The following ERC2 variants were observed in gnomAD, a reference collection of about 807,000 sequenced individuals.
The protein encoded by ERC2 is ERC protein 2.
ERC2 carries 42 observed loss-of-function variants against 114.8 expected under a neutral mutation model. That is an observed-to-expected ratio of 0.37 (90% confidence interval 0.29 to 0.47). The LOEUF (loss-of-function observed/expected upper bound fraction) is 0.47. ERC2 is among the 20% of genes least tolerant of loss of function. The pLI is 0.99. For missense variants in ERC2, 939 were observed against 1,150.7 expected, an observed-to-expected ratio of 0.82 and a Z score of 2.66; for synonymous variants, 454 against 425.5, an observed-to-expected ratio of 1.07 and a Z score of -0.82.
At chr3:55,852,899 C>T (rs1264956416) in intron 14 of ERC2, among the ~76,000 whole-genome samples, 1 of 152,194 alleles carries the variant, frequency 6.6e-6, no homozygotes, top group East Asian at 1.9e-4. Context: ...GGCACCTTGA[C>T]ATTTGGATGG....
intron 14 of ERC2, among the ~76,000 whole-genome samples, chr3:55,742,147 G>C (rs2066001888): frequency 6.6e-6 from 1 of 151,788 alleles, no homozygotes; most frequent in South Asian, 2.1e-4. Context: ...AGGGCTGAAG[G>C]GCATCTCCTG....
chr3:55,533,986 A>C (rs767302628), intron 17 of ERC2, among the ~76,000 whole-genome samples: 47 of 152,178 alleles, frequency 3.1e-4, no homozygotes, highest in Admixed American at 5.9e-4. Flanking sequence ...GTCAGGATGG[A>C]ATCCCAGCTT....
chr3:56,436,031 T>C (rs1576954910), intron 1 of ERC2, among the ~76,000 whole-genome samples: 1 of 152,264 alleles, frequency 6.6e-6, no homozygotes, highest in Admixed American at 6.5e-5. Flanking sequence ...GAAGATTTTA[T>C]GTAGCTGGGG....
intron 2 of ERC2, among the ~76,000 whole-genome samples, chr3:56,328,784 C>T (rs2057478347): frequency 6.6e-6 from 1 of 152,184 alleles, no homozygotes; most frequent in Non-Finnish European, 1.5e-5. Flanking sequence ...CCAGATTGGA[C>T]CTCAGCAAGT....
At chr3:55,665,552 G>T (rs2061327663) in intron 17 of ERC2, among the ~76,000 whole-genome samples, 1 of 152,154 alleles carries the variant, frequency 6.6e-6, no homozygotes, top group Admixed American at 6.5e-5. Flanking sequence ...GGGAGAAAAT[G>T]AAGACAGAGA....
intron 15 of ERC2, among the ~76,000 whole-genome samples, chr3:55,720,031 C>T (rs1433584361): frequency 8.8e-5 from 5 of 57,094 alleles, no homozygotes; most frequent in Non-Finnish European, 1.3e-4. Flanking sequence ...CTTCCCTTGC[C>T]TCCCCACCTC....
At chr3:56,264,779 A>G (rs373669137) in intron 3 of ERC2, among the ~76,000 whole-genome samples, 113 of 151,776 alleles carry the variant, frequency 7.4e-4, no homozygotes, top group Middle Eastern at 3.4e-3. Context: ...AAAAAAATCA[A>G]CATACAAAAA....
chr3:56,377,178 T>A (rs2059578052), intron 2 of ERC2, among the ~76,000 whole-genome samples: 3 of 152,182 alleles, frequency 2.0e-5, no homozygotes, highest in African/African-American at 7.2e-5. Flanking sequence ...TATATACTTG[T>A]CAAGTGAGTA....
At chr3:56,322,446 G>A (rs1427775270) in intron 2 of ERC2, among the ~76,000 whole-genome samples, 1 of 152,134 alleles carries the variant, frequency 6.6e-6, no homozygotes, top group Non-Finnish European at 1.5e-5. Flanking sequence ...GAACTCAGAG[G>A]TGAGGTTTAT....
intron 14 of ERC2, among the ~76,000 whole-genome samples, chr3:55,809,949 G>A (rs2059651444): frequency 6.6e-6 from 1 of 152,184 alleles, no homozygotes; most frequent in South Asian, 2.1e-4. Context: ...CAAAGGGGCA[G>A]GGAAGGCTTA....
chr3:56,258,318 C>A (rs2052659403), intron 3 of ERC2, among the ~76,000 whole-genome samples: 2 of 152,150 alleles, frequency 1.3e-5, no homozygotes, highest in Admixed American at 1.3e-4. Context: ...AGCCTGAATG[C>A]AGCCAGAGAC....
chr3:56,417,172 C>T (rs892146550), intron 2 of ERC2, among the ~76,000 whole-genome samples: 1 of 152,168 alleles, frequency 6.6e-6, no homozygotes, highest in African/African-American at 2.4e-5. Flanking sequence ...ATATAGCTTG[C>T]TAGATCTGGA....
rs1390539850 is a variant in ERC2 at position 55,952,179 on chromosome 3, A to ACACACT, written c.2268-1620_2268-1619insAGTGTG. ...CACACACACACACACACACACACACACTCTCTCTCTCTCTCTCTCTATATA... is the reference window on the plus strand; with the variant it reads ...CACACACACACACACACACACACACACACACTCTCTCTCTCTCTCTCTCTCTATATA... On this transcript the variant is annotated intron_variant, in intron 12 of 17. Transcript: ENST00000288221. 7.9e-3 allele frequency among the ~76,000 whole-genome samples: 492 copies of ACACACT among 62,054 alleles called. 8 individuals are homozygous for ACACACT. Among genetic ancestry groups the ACACACT allele is most frequent in the South Asian group, 0.026 (38 of 1,488 alleles). 40.7% of individuals were successfully genotyped at this position (62,054 alleles called of 152,430 possible). A position where few individuals can be genotyped will look rare whatever the true frequency, so the allele number is the denominator to read the frequency against.
intron 7 of ERC2, among the ~76,000 whole-genome samples, chr3:56,022,808 G>A (rs1337465533): frequency 1.3e-5 from 2 of 152,138 alleles, no homozygotes; most frequent in East Asian, 3.9e-4. Context: ...GTATGAGATA[G>A]GCCTGAGTAC....
At chr3:56,170,575 A>T (rs2150014998) in intron 4 of ERC2, among the ~76,000 whole-genome samples, 1 of 145,734 alleles carries the variant, frequency 6.9e-6, no homozygotes, top group Non-Finnish European at 1.5e-5. Flanking sequence ...TAGTCTAAGA[A>T]ATCTCTTCTG....
chr3:56,191,498 A>AT (rs2047777724), intron 3 of ERC2, among the ~76,000 whole-genome samples: 2 of 152,138 alleles, frequency 1.3e-5, no homozygotes, highest in Non-Finnish European at 2.9e-5. Context: ...TCACAACTCC[A>AT]TGAGATCCTG....
At chr3:55,566,240 G>A (rs2056365740) in intron 17 of ERC2, among the ~76,000 whole-genome samples, 1 of 152,142 alleles carries the variant, frequency 6.6e-6, no homozygotes, top group Admixed American at 6.6e-5. Flanking sequence ...GGTACATGAA[G>A]AATTAAATCC....
At chr3:55,731,797 T>C (rs548636894) in intron 15 of ERC2, among the ~76,000 whole-genome samples, 1 of 152,312 alleles carries the variant, frequency 6.6e-6, no homozygotes, top group South Asian at 2.1e-4. Context: ...CCATGCCTAG[T>C]ACATGATGAG....
chr3:56,462,013 A>G (rs1255108405), intron 1 of ERC2, among the ~76,000 whole-genome samples: 3 of 152,242 alleles, frequency 2.0e-5, no homozygotes, highest in Non-Finnish European at 4.4e-5. Flanking sequence ...GTCCATGGAC[A>G]GAATCTAATG....
Sources: allele counts gnomAD v4.1 joint callset (sites outside exome capture counted in the v4.1 genomes callset), GRCh38; gene constraint gnomAD v4.1.1; transcripts MANE v1.5; gene names NCBI Gene and HGNC (gene_info 2026-07-23, HGNC 2026-07-21).